Variants in TMTC1 observed in about 807,000 individuals in gnomAD.
The protein encoded by TMTC1 is protein O-mannosyl-transferase TMTC1.
A neutral mutation model predicts 104.8 loss-of-function variants in TMTC1; 73 were observed. That is an observed-to-expected ratio of 0.70 (90% CI 0.58 to 0.85). The LOEUF (loss-of-function observed/expected upper bound fraction) is 0.85. Among genes scored for constraint, TMTC1 ranks in the 40% least tolerant of loss-of-function variants. TMTC1 has a pLI of 0.00. For synonymous variants in TMTC1, 434 were observed against 428.7 expected (o/e 1.01, Z -0.15); for missense variants, 1,035 against 1,096.1 (o/e 0.94, Z 0.79).
intron 11 of TMTC1, among the ~76,000 whole-genome samples, chr12:29,523,017 G>A (rs1200934859): frequency 1.3e-5 from 2 of 152,096 alleles, no homozygotes; most frequent in African/African-American, 4.8e-5. Flanking sequence ...GTTTTCAGTG[G>A]GCCAATGGGG....
intron 5 of TMTC1, among the ~76,000 whole-genome samples, chr12:29,643,062 T>C (rs1938935429): frequency 6.6e-6 from 1 of 151,806 alleles, no homozygotes; most frequent in Non-Finnish European, 1.5e-5. Flanking sequence ...TCACTAATGA[T>C]CGGGGAAATG....
chr12:29,613,236 G>A (rs762326156), intron 6 of TMTC1, among the ~76,000 whole-genome samples: 4 of 152,164 alleles, frequency 2.6e-5, no homozygotes, highest in Non-Finnish European at 5.9e-5. Context: ...CTAGTGGAGT[G>A]ACTCAGGAGA....
chr12:29,554,971 T>C (rs1382734012), intron 10 of TMTC1, among the ~76,000 whole-genome samples: 1 of 152,100 alleles, frequency 6.6e-6, no homozygotes, highest in African/African-American at 2.4e-5. Context: ...TTATTAGTCA[T>C]ACAGAAAGGA....
At chr12:29,529,801 C>T (rs578175888) in intron 11 of TMTC1, 1 of 152,264 alleles carries the variant, frequency 6.6e-6, no homozygotes, top group South Asian at 2.1e-4. Flanking sequence ...ATCAATTAAT[C>T]TGGCATTCTT....
At chr12:29,765,464 T>G (rs1943441992) in intron 2 of TMTC1, among the ~76,000 whole-genome samples, 2 of 152,144 alleles carry the variant, frequency 1.3e-5, no homozygotes, top group Non-Finnish European at 2.9e-5. Flanking sequence ...CCCCTCATTT[T>G]TGTAAATTAC....
In TMTC1 at chr12:29,651,151, T is replaced by C. The variant is rs974894658; in HGVS notation, c.939-17815A>G. Reference sequence around the variant, plus strand: ...CCTTGAGGCTGAAACACTTATAAGCTGCGTAGTGGAATGAATACTTCATGA... The same window carrying C: ...CCTTGAGGCTGAAACACTTATAAGCCGCGTAGTGGAATGAATACTTCATGA... On this transcript the variant is annotated intron_variant, in intron 5 of 17. Coordinates refer to ENST00000539277, the MANE Select transcript of TMTC1 (RefSeq NM_001193451.2). 2.6e-5 allele frequency among the ~76,000 whole-genome samples: 4 copies of C among 152,282 alleles called. No individual in the cohort carries two copies. In the East Asian group the frequency reaches 7.7e-4, roughly 29 times the overall value.
intron 5 of TMTC1, among the ~76,000 whole-genome samples, chr12:29,720,219 T>C (rs1942199029): frequency 6.6e-6 from 1 of 152,154 alleles, no homozygotes; most frequent in Non-Finnish European, 1.5e-5. Context: ...TTCACAACAC[T>C]AAATCCATAC....
intron 10 of TMTC1, among the ~76,000 whole-genome samples, chr12:29,544,596 G>A (rs530359709): frequency 1.3e-5 from 2 of 152,330 alleles, no homozygotes; most frequent in South Asian, 2.1e-4. Context: ...CTGCCCCACT[G>A]TGCCTTCCTC....
chr12:29,774,024 G>A (rs1277318667), intron 1 of TMTC1, among the ~76,000 whole-genome samples: 1 of 35,426 alleles, frequency 2.8e-5, no homozygotes, highest in East Asian at 4.8e-3. Context: ...GTGGAGACAT[G>A]AGTGTGTGTG....
chr12:29,677,004 T>C (rs534937963), intron 5 of TMTC1, among the ~76,000 whole-genome samples: 1 of 152,186 alleles, frequency 6.6e-6, no homozygotes, highest in African/African-American at 2.4e-5. Flanking sequence ...GCAGACAAGG[T>C]CCAAGTCTGG....
chr12:29,548,943 TATA>T (rs1296185670), intron 10 of TMTC1, among the ~76,000 whole-genome samples: 4 of 144,256 alleles, frequency 2.8e-5, no homozygotes, highest in Middle Eastern at 3.4e-3. Flanking sequence ...GTAAATAATA[TATA>T]ATATGTATGA....
chr12:29,524,380 T>C (rs1329826585), intron 11 of TMTC1, among the ~76,000 whole-genome samples: 1 of 152,204 alleles, frequency 6.6e-6, no homozygotes, highest in Non-Finnish European at 1.5e-5. Context: ...AGTCAATGCA[T>C]TTATTTACAT....
chr12:29,590,550 G>C (rs1055687771), intron 7 of TMTC1, among the ~76,000 whole-genome samples: 9 of 152,192 alleles, frequency 5.9e-5, no homozygotes, highest in Admixed American at 4.6e-4. Flanking sequence ...ACTTTGGGAG[G>C]CCAAGGCGGG....
chr12:29,748,175 C>T (rs996700156), intron 5 of TMTC1, among the ~76,000 whole-genome samples: 1 of 152,120 alleles, frequency 6.6e-6, no homozygotes, highest in Non-Finnish European at 1.5e-5. Context: ...GAGAATCCGG[C>T]CCAATTCCAG....
intron 9 of TMTC1, among the ~76,000 whole-genome samples, chr12:29,563,859 G>A (rs542619918): frequency 2.6e-5 from 4 of 152,260 alleles, no homozygotes; most frequent in South Asian, 2.1e-4. Context: ...GAAAACCAAC[G>A]GACTCTAATG....
chr12:29,529,303 G>A (rs1235327160), intron 11 of TMTC1, among the ~76,000 whole-genome samples: 1 of 152,104 alleles, frequency 6.6e-6, no homozygotes, highest in Non-Finnish European at 1.5e-5. Context: ...TGTACCTACT[G>A]TATAGAGGTG....
chr12:29,553,172 T>C (rs1370203767), intron 10 of TMTC1, among the ~76,000 whole-genome samples: 1 of 152,164 alleles, frequency 6.6e-6, no homozygotes, highest in Non-Finnish European at 1.5e-5. Flanking sequence ...ACGTGGGTAA[T>C]GGAAAGTGAA....
intron 6 of TMTC1, among the ~76,000 whole-genome samples, chr12:29,626,988 G>A (rs147662522): frequency 0.025 from 3,766 of 152,162 alleles, 169 homozygotes; most frequent in African/African-American, 0.087. Flanking sequence ...TGTAATCTCA[G>A]CTACTCGGGA....
At chr12:29,558,091 A>G (rs1945291947) in intron 9 of TMTC1, among the ~76,000 whole-genome samples, 1 of 152,210 alleles carries the variant, frequency 6.6e-6, no homozygotes, top group Admixed American at 6.5e-5. Flanking sequence ...AAAGGAACCA[A>G]TTTATTTCCT....
Sources: allele counts gnomAD v4.1 joint callset (sites outside exome capture counted in the v4.1 genomes callset), GRCh38; gene constraint gnomAD v4.1.1; transcripts MANE v1.5; gene names NCBI Gene and HGNC (gene_info 2026-07-23, HGNC 2026-07-21).